Variants in GLTP observed in about 807,000 individuals in gnomAD.
The protein encoded by GLTP is glycolipid transfer protein.
GLTP carries 22 observed loss-of-function variants against 24.0 expected under a neutral mutation model. That is an observed-to-expected ratio of 0.92 (90% CI 0.65 to 1.31). The LOEUF (loss-of-function observed/expected upper bound fraction) is 1.31, where lower values mean the gene tolerates loss of function less well. Ranked by LOEUF, GLTP falls within the 50% of genes most tolerant of loss-of-function variation. The probability of loss-of-function intolerance (pLI) is 0.00; values close to 1 mark genes in which losing one functional copy is unlikely to be tolerated. For missense variants in GLTP, 224 were observed against 276.6 expected (o/e 0.81, Z 1.35); for synonymous variants, 92 against 115.9 (o/e 0.79, Z 1.33).
chr12:109,878,388 T>C (rs935552955), intron 1 of GLTP, among the ~76,000 whole-genome samples: 3 of 152,196 alleles, frequency 2.0e-5, no homozygotes, highest in African/African-American at 7.2e-5. Flanking sequence ...TGTAGGATAC[T>C]GAGCAGCTCC....
intron 1 of GLTP, among the ~76,000 whole-genome samples, chr12:109,871,186 G>A (rs1868710957): frequency 1.3e-5 from 2 of 149,258 alleles, no homozygotes; most frequent in South Asian, 4.2e-4. Flanking sequence ...TGGGTCAAGC[G>A]ATTCTCCTGC....
chr12:109,855,605 TG>T lies in GLTP; in HGVS notation c.447+13del. On this transcript the variant is annotated intron_variant, in intron 4 of 4. Transcript: ENST00000318348. This position sits in a 1 kb window ranked among gnomAD's most constrained non-coding sequence, Gnocchi z 4.1. ...CAAGCTGGTGGTCCTTTGGGGCTCA[TG>T]GGGGTGGCTCACCTGGAAGATCTTC... is the stretch of plus-strand genomic sequence containing the variant. The T allele has an allele frequency of 1.3e-6, 2 of 1,532,452 alleles. No homozygotes were observed. Among genetic ancestry groups the T allele is most frequent in the Non-Finnish European group, 1.8e-6 (2 of 1,135,846 alleles). 94.9% of individuals were successfully genotyped at this position (1,532,452 alleles called of 1,614,324 possible).
chr12:109,867,376 T>C (rs1175011607), intron 1 of GLTP, among the ~76,000 whole-genome samples: 1 of 152,118 alleles, frequency 6.6e-6, no homozygotes, highest in Non-Finnish European at 1.5e-5. Flanking sequence ...CTCAAACTCC[T>C]GAGCTCAAGC....
chr12:109,867,017 A>G (rs1401178145), intron 1 of GLTP, among the ~76,000 whole-genome samples: 1 of 149,980 alleles, frequency 6.7e-6, no homozygotes, highest in African/African-American at 2.5e-5. Context: ...GGCTCAAGCA[A>G]TCCTCTAGCC....
In GLTP at chr12:109,855,013, G is replaced by A. The variant is rs1892777369; in HGVS notation, c.447+606C>T. ...CCGGGCAGGAACACGTGGGTGAGAT[G>A]AGGGCAGCAAGCAGCAGGTGAAGGG... On this transcript the variant is annotated intron_variant, in intron 4 of 4. Transcript: ENST00000318348. This position sits in a 1 kb window ranked among gnomAD's most constrained non-coding sequence, Gnocchi z 4.1. 2.0e-5 allele frequency among the ~76,000 whole-genome samples: 3 copies of A among 152,258 alleles called. No homozygotes were observed. Among genetic ancestry groups the A allele is most frequent in the Non-Finnish European group, 2.9e-5 (2 of 68,036 alleles).
intron 1 of GLTP, among the ~76,000 whole-genome samples, chr12:109,871,380 C>CACTGTCTGCCAGTCAGTGGGGTT (rs1868717117): frequency 6.6e-6 from 1 of 152,120 alleles, no homozygotes; most frequent in African/African-American, 2.4e-5. Flanking sequence ...CCACTGCGCC[C>CACTGTCTGCCAGTCAGTGGGGTT]GGCCCCAATA....
chr12:109,852,505 T>G lies in GLTP; in HGVS notation c.*50A>C. ...TGATTCACAGTGATTCTGGTTTGCC[T>G]GTTTCTCCATGTGGCCACGAGTCGG... On this transcript the variant is annotated 3_prime_UTR_variant, in exon 5 of 5. Transcript: ENST00000318348. 1 of 1,218,540 alleles carries G rather than the reference T, an allele frequency of 8.2e-7. No homozygotes were observed. Among genetic ancestry groups the G allele is most frequent in the Non-Finnish European group, 1.2e-6 (1 of 835,064 alleles). 75.5% of individuals were successfully genotyped at this position (1,218,540 alleles called of 1,614,324 possible).
At chr12:109,852,903 G>A (rs981320674) in intron 4 of GLTP, among the ~76,000 whole-genome samples, 166 bp from the exon 5 acceptor site, 1 of 151,946 alleles carries the variant, frequency 6.6e-6, no homozygotes, top group African/African-American at 2.4e-5. Context: ...TATTTTGAGC[G>A]ACAGCAGGAA....
intron 1 of GLTP, among the ~76,000 whole-genome samples, chr12:109,868,306 C>T (rs1274639579): frequency 3.4e-5 from 5 of 146,654 alleles, no homozygotes; most frequent in Admixed American, 1.4e-4. Context: ...CCACTGTACC[C>T]GACCTCATTT....
At chr12:109,858,838 GT>G in intron 1 of GLTP, 97 bp from the exon 2 acceptor site, 1 of 831,432 alleles carries the variant, frequency 1.2e-6, no homozygotes, top group Non-Finnish European at 2.1e-6. Flanking sequence ...GGATTACATG[GT>G]GTGTCCCGGG....
intron 4 of GLTP, among the ~76,000 whole-genome samples, chr12:109,853,406 G>C (rs1426436866): frequency 3.9e-5 from 6 of 151,982 alleles, no homozygotes; most frequent in African/African-American, 1.4e-4. Flanking sequence ...AAAAGCTTAG[G>C]CTAGCCAAGC....
intron 1 of GLTP, among the ~76,000 whole-genome samples, chr12:109,868,779 C>T (rs1326157210): frequency 2.0e-5 from 3 of 152,022 alleles, no homozygotes; most frequent in African/African-American, 7.2e-5. Context: ...CTTTATAGGT[C>T]TTGGGTTACA....
intron 1 of GLTP, among the ~76,000 whole-genome samples, chr12:109,861,966 CCT>C (rs1403525801): frequency 1.3e-5 from 2 of 152,186 alleles, no homozygotes; most frequent in Non-Finnish European, 2.9e-5. Flanking sequence ...TCTGTGCTCC[CCT>C]GTGAGGCCCC....
intron 1 of GLTP, among the ~76,000 whole-genome samples, chr12:109,874,411 C>T (rs956958900): frequency 1.3e-5 from 2 of 152,146 alleles, no homozygotes; most frequent in Non-Finnish European, 2.9e-5. Flanking sequence ...CTATTTAATG[C>T]GTGCCGGATA....
intron 1 of GLTP, among the ~76,000 whole-genome samples, chr12:109,861,611 G>T (rs913346882): frequency 6.6e-6 from 1 of 152,096 alleles, no homozygotes; most frequent in African/African-American, 2.4e-5. Flanking sequence ...AGCCGGGCGT[G>T]GTAGCAGGTG....
rs370224148 is a variant in GLTP, at chr12:109,880,359, C to T, written c.16G>A (p.Glu6Lys). The T allele has an allele frequency of 1.3e-6, 2 of 1,584,760 alleles. No homozygotes were observed. The highest frequency in any genetic ancestry group is 1.1e-5 in the South Asian group (1 of 89,406). Residue 6 changes from glutamate (E) to lysine (K), a missense_variant, in exon 1 of 5, where the codon GAA becomes AAA. Transcript: ENST00000318348. This position sits in a 1 kb window ranked among gnomAD's most constrained non-coding sequence, Gnocchi z 5.1. MALLA[E>K]HLLKPLPADK... ...GCGGGCAGCGGCTTCAGCAAGTGTT[C>T]GGCCAGCAGCGCCATTTCGGGGTCG... is the stretch of plus-strand genomic sequence containing the variant.
intron 1 of GLTP, among the ~76,000 whole-genome samples, chr12:109,879,247 T>C (rs1049990648): frequency 2.0e-5 from 3 of 152,210 alleles, no homozygotes; most frequent in African/African-American, 7.2e-5. Context: ...GGCTGGTATT[T>C]TCCTGCAAGG....
chr12:109,867,781 T>C (rs766895615), intron 1 of GLTP, among the ~76,000 whole-genome samples: 12,004 of 148,316 alleles, frequency 0.081, 472 homozygotes, highest in Middle Eastern at 0.12. Context: ...CTTTTCTCTT[T>C]TTTTTTTTTT....
At position 109,852,419 on chromosome 12, in the gene GLTP, C is replaced by A. The variant is rs1405386457; in HGVS notation, c.*136G>T. 15 of 601,274 alleles carry A rather than the reference C, an allele frequency of 2.5e-5. No individual in the cohort carries two copies. Among genetic ancestry groups the A allele is most frequent in the Non-Finnish European group, 4.2e-5 (14 of 336,150 alleles). The allele number at this position is 601,274 out of a possible 1,614,324, so 37.2% of individuals were successfully genotyped here. ...CTTAAAAAACGAGGGCTGTCCCCTG[C>A]AGACTCTGGCAGGACCCTGGGCTGC... On this transcript the variant is annotated 3_prime_UTR_variant, in exon 5 of 5. Transcript: ENST00000318348.
Sources: allele counts gnomAD v4.1 joint callset (sites outside exome capture counted in the v4.1 genomes callset), GRCh38; gene constraint gnomAD v4.1.1; non-coding constraint Gnocchi (gnomAD v3.1); transcripts MANE v1.5; gene names NCBI Gene and HGNC (gene_info 2026-07-23, HGNC 2026-07-21).